THSD7B: variants seen among roughly 807,000 people sequenced by gnomAD.
The protein encoded by THSD7B is thrombospondin type 1 domain containing 7B.
Under a neutral mutation model 213.6 loss-of-function variants are expected in THSD7B, and 138 were observed. That is an observed-to-expected ratio of 0.65 (90% CI 0.56 to 0.74). The LOEUF is 0.74. Ranked by LOEUF, THSD7B falls within the 30% of genes least tolerant of loss-of-function variation. The pLI is 0.00. For missense variants in THSD7B, 1,931 were observed against 1,991.5 expected, an observed-to-expected ratio of 0.97 and a Z score of 0.58; for synonymous variants, 742 against 687.0, an observed-to-expected ratio of 1.08 and a Z score of -1.25.
At chr2:137,093,094 C>G (rs905143627) in intron 3 of THSD7B, among the ~76,000 whole-genome samples, 16 of 152,196 alleles carry the variant, frequency 1.1e-4, no homozygotes, top group Non-Finnish European at 2.1e-4. Context: ...GAACGAATAA[C>G]AAGGGACAAA....
At chr2:137,020,765 C>T (rs2104843087) in intron 2 of THSD7B, among the ~76,000 whole-genome samples, 1 of 152,278 alleles carries the variant, frequency 6.6e-6, no homozygotes, top group South Asian at 2.1e-4. Flanking sequence ...AGAGAAAGAC[C>T]TTTTGAGCAG....
chr2:136,954,346 C>G (rs1190693920), intron 2 of THSD7B, among the ~76,000 whole-genome samples: 1 of 152,184 alleles, frequency 6.6e-6, no homozygotes, highest in Non-Finnish European at 1.5e-5. Flanking sequence ...TTTTGCAAAT[C>G]TTCCTTGGCC....
At chr2:137,075,384 C>T (rs1209841602) in intron 3 of THSD7B, among the ~76,000 whole-genome samples, 4 of 152,204 alleles carry the variant, frequency 2.6e-5, no homozygotes, top group Non-Finnish European at 5.9e-5. Context: ...GCATCAGCTA[C>T]TGAGGCTTCT....
At chr2:136,956,181 T>G (rs999670915) in intron 2 of THSD7B, among the ~76,000 whole-genome samples, 3 of 152,226 alleles carry the variant, frequency 2.0e-5, no homozygotes, top group Middle Eastern at 3.2e-3. Flanking sequence ...GGAAGCTAAC[T>G]GCATGAATCC....
At chr2:137,472,497 A>G (rs1432040691) in intron 15 of THSD7B, among the ~76,000 whole-genome samples, 2 of 152,216 alleles carry the variant, frequency 1.3e-5, no homozygotes, top group African/African-American at 4.8e-5. Flanking sequence ...AACAAAAAAA[A>G]TTAAGTGGCA....
chr2:136,782,688 C>A (rs1016400598), intron 1 of THSD7B, among the ~76,000 whole-genome samples: 2 of 152,024 alleles, frequency 1.3e-5, no homozygotes, highest in Non-Finnish European at 2.9e-5. Flanking sequence ...TTCAAGTGAT[C>A]TATTATACAG....
intron 1 of THSD7B, among the ~76,000 whole-genome samples, chr2:136,822,891 C>G (rs1682588246): frequency 6.6e-6 from 1 of 152,120 alleles, no homozygotes; most frequent in Non-Finnish European, 1.5e-5. Flanking sequence ...CTAGATTTAG[C>G]CCTATACATT....
intron 15 of THSD7B, among the ~76,000 whole-genome samples, chr2:137,506,849 T>C (rs1411144211): frequency 6.6e-6 from 1 of 152,192 alleles, no homozygotes; most frequent in African/African-American, 2.4e-5. Flanking sequence ...AGTAAAAATA[T>C]CTGAATCAGA....
chr2:137,252,761 A>G (rs11893855), intron 10 of THSD7B, among the ~76,000 whole-genome samples: 29,968 of 152,022 alleles, frequency 0.2, 3,094 homozygotes, highest in African/African-American at 0.26. Context: ...GTGGTGTTCC[A>G]CGGGGAGGTT....
chr2:137,608,305 T>C (rs1682224955), intron 17 of THSD7B, among the ~76,000 whole-genome samples: 1 of 152,146 alleles, frequency 6.6e-6, no homozygotes, highest in African/African-American at 2.4e-5. Context: ...ATTACCATTG[T>C]CCATACTAAA....
intron 15 of THSD7B, among the ~76,000 whole-genome samples, 179 bp downstream of exon 15, chr2:137,451,202 C>T (rs1225663898): frequency 6.6e-6 from 1 of 152,126 alleles, no homozygotes; most frequent in Non-Finnish European, 1.5e-5. Flanking sequence ...GCTTTGCTCA[C>T]ACCTGGATAA....
chr2:137,196,756 CATAA>C (rs1177832180), intron 7 of THSD7B, among the ~76,000 whole-genome samples: 1 of 152,036 alleles, frequency 6.6e-6, no homozygotes, highest in Admixed American at 6.6e-5. Flanking sequence ...GTAAAAGAAA[CATAA>C]ATGAATGTCA....
At chr2:137,030,713 C>T (rs1329555549) in intron 2 of THSD7B, among the ~76,000 whole-genome samples, 1 of 151,964 alleles carries the variant, frequency 6.6e-6, no homozygotes, top group East Asian at 1.9e-4. Context: ...GAAGTGGCAG[C>T]TAAGCTATGG....
intron 5 of THSD7B, among the ~76,000 whole-genome samples, chr2:137,134,124 T>G (rs1410581035): frequency 2.0e-5 from 3 of 152,194 alleles, no homozygotes; most frequent in East Asian, 3.8e-4. Flanking sequence ...CCCAATCAAG[T>G]AAGCAACATT....
intron 2 of THSD7B, among the ~76,000 whole-genome samples, chr2:137,041,379 T>A (rs1405099902): frequency 6.6e-6 from 1 of 152,128 alleles, no homozygotes; most frequent in Non-Finnish European, 1.5e-5. Flanking sequence ...TAGATGTGGC[T>A]ATTAAAGTAT....
chr2:136,859,618 G>A (rs1027817920), intron 1 of THSD7B, among the ~76,000 whole-genome samples: 2 of 152,140 alleles, frequency 1.3e-5, no homozygotes, highest in African/African-American at 4.8e-5. Flanking sequence ...GGGGTGACTA[G>A]AAGGTTGGTG....
At chr2:136,933,539 A>G (rs1051120881) in intron 2 of THSD7B, among the ~76,000 whole-genome samples, 3 of 152,146 alleles carry the variant, frequency 2.0e-5, no homozygotes, top group Non-Finnish European at 4.4e-5. Flanking sequence ...AAATCACACC[A>G]CTGCACTCCA....
At chr2:137,345,945 A>G (rs1411757772) in intron 12 of THSD7B, among the ~76,000 whole-genome samples, 1 of 151,616 alleles carries the variant, frequency 6.6e-6, no homozygotes, top group Admixed American at 6.6e-5. Context: ...CACTTTGATG[A>G]CATGTCAAGG....
rs369201348 is a variant in THSD7B at position 137,067,654 on chromosome 2, C to T, written c.950+10424C>T. ...GACCTTCACAAATTCTTCTCAGTCT[C>T]TTCCTATTTTCACTCCCAACTCAGG... is the stretch of plus-strand genomic sequence containing the variant. On this transcript the variant is annotated intron_variant, in intron 3 of 27. Transcript: ENST00000409968. Among the ~76,000 whole-genome samples, 8 of 152,080 alleles carry T rather than the reference C, an allele frequency of 5.3e-5. No individual in the cohort carries two copies. The East Asian group carries it at 1.4e-3, about 26-fold the overall frequency.
Sources: allele counts gnomAD v4.1 joint callset (sites outside exome capture counted in the v4.1 genomes callset), GRCh38; gene constraint gnomAD v4.1.1; transcripts MANE v1.5; gene names NCBI Gene and HGNC (gene_info 2026-07-23, HGNC 2026-07-21).